Variants in SYT1 observed in about 807,000 individuals in gnomAD.
The protein encoded by SYT1 is synaptotagmin 1, also known as synaptotagmin-1.
SYT1 carries 8 observed loss-of-function variants against 44.8 expected under a neutral mutation model. That is an observed-to-expected ratio of 0.18 (90% CI 0.10 to 0.32). The LOEUF (loss-of-function observed/expected upper bound fraction) is 0.32. Ranked by LOEUF, SYT1 falls within the 10% of genes least tolerant of loss-of-function variation. The pLI, the probability that SYT1 is intolerant of heterozygous loss-of-function variation, is 1.00. For synonymous variants in SYT1, 154 were observed against 188.8 expected, an observed-to-expected ratio of 0.82 and a Z score of 1.51; for missense variants, 286 against 509.3, an observed-to-expected ratio of 0.56 and a Z score of 4.22.
At chr12:79,157,886 A>C (rs1039773455) in intron 3 of SYT1, among the ~76,000 whole-genome samples, 2 of 152,148 alleles carry the variant, frequency 1.3e-5, no homozygotes, top group African/African-American at 4.8e-5. Flanking sequence ...AGGTTAAGTG[A>C]CTTACTAATT....
At chr12:79,353,973 C>T (rs909275313) in intron 9 of SYT1, among the ~76,000 whole-genome samples, 9 of 152,038 alleles carry the variant, frequency 5.9e-5, no homozygotes, top group African/African-American at 1.9e-4. Flanking sequence ...AATTCACCCA[C>T]GATATAAAAA....
intron 8 of SYT1, among the ~76,000 whole-genome samples, chr12:79,308,787 C>G (rs1880611677): frequency 6.6e-6 from 1 of 152,188 alleles, no homozygotes; most frequent in South Asian, 2.1e-4. Context: ...TACTGCACAC[C>G]TGAAACACCA....
chr12:79,137,815 C>A (rs1239084302), intron 3 of SYT1, among the ~76,000 whole-genome samples: 1 of 152,042 alleles, frequency 6.6e-6, no homozygotes. Flanking sequence ...GCCTTGTTGA[C>A]CTTTCCTAGC....
At chr12:79,337,518 C>A (rs553628396) in intron 8 of SYT1, among the ~76,000 whole-genome samples, 1 of 152,296 alleles carries the variant, frequency 6.6e-6, no homozygotes, top group South Asian at 2.1e-4. Flanking sequence ...GCAGAAGTAG[C>A]TACAGAGTGA....
intron 3 of SYT1, among the ~76,000 whole-genome samples, chr12:79,128,964 A>G (rs769271077): frequency 4.6e-5 from 7 of 152,152 alleles, no homozygotes; most frequent in Non-Finnish European, 8.8e-5. Context: ...CAAAAAGTGT[A>G]GATATAAGAC....
rs561556339 is a variant in SYT1, at chr12:79,309,244, C to T, written c.810+9693C>T. 1.8e-3 allele frequency among the ~76,000 whole-genome samples: 269 copies of T among 152,236 alleles called. 1 individual carries two copies. The highest frequency in any genetic ancestry group is 3.3e-3 in the Non-Finnish European group (222 of 68,020). On this transcript the variant is annotated intron_variant, in intron 8 of 10. Transcript: ENST00000261205. ...CATTTTTGTAGGTTCTTTGGCCAGG[C>T]GCCAAACAGTACGAAAGAGTCCAAT...
intron 2 of SYT1, among the ~76,000 whole-genome samples, chr12:79,025,067 A>G (rs1217288535): frequency 6.6e-6 from 1 of 151,858 alleles, no homozygotes; most frequent in African/African-American, 2.4e-5. Flanking sequence ...AGATGTATAC[A>G]TTAATGAACT....
At chr12:79,253,292 T>C (rs1485221428) in intron 4 of SYT1, among the ~76,000 whole-genome samples, 1 of 152,168 alleles carries the variant, frequency 6.6e-6, no homozygotes, top group African/African-American at 2.4e-5. Context: ...TCTATCTCTC[T>C]CATGTCACAT....
intron 3 of SYT1, among the ~76,000 whole-genome samples, chr12:79,072,266 C>G (rs1248668370): frequency 6.6e-6 from 1 of 152,112 alleles, no homozygotes; most frequent in East Asian, 1.9e-4. Context: ...TGTAACCTCT[C>G]TCTTTCGTAG....
intron 1 of SYT1, among the ~76,000 whole-genome samples, chr12:78,906,053 A>G (rs1028858823): frequency 2.6e-5 from 4 of 152,198 alleles, no homozygotes; most frequent in Middle Eastern, 3.4e-3. Context: ...TATTTTTAGC[A>G]TACTCCAATC....
intron 3 of SYT1, among the ~76,000 whole-genome samples, chr12:79,174,541 T>C (rs1000755038): frequency 6.6e-6 from 1 of 152,018 alleles, no homozygotes; most frequent in Non-Finnish European, 1.5e-5. Flanking sequence ...TAACATATGA[T>C]TTATGAGACA....
chr12:79,196,056 G>A (rs899094042), intron 3 of SYT1, among the ~76,000 whole-genome samples: 5 of 152,058 alleles, frequency 3.3e-5, no homozygotes, highest in African/African-American at 7.2e-5. Flanking sequence ...ATATAGTTGC[G>A]AACAGACATC....
In SYT1 at chr12:79,450,441, C is replaced by T. The variant is rs916696107; in HGVS notation, c.*1317C>T. The T allele has an allele frequency of 1.4e-4, 22 of 152,460 alleles. No individual in the cohort carries two copies. Among genetic ancestry groups the T allele is most frequent in the African/African-American group, 4.8e-4 (20 of 41,404 alleles). The allele number at this position is 152,460 out of a possible 1,614,324, so 9.4% of individuals were successfully genotyped here. On this transcript the variant is annotated 3_prime_UTR_variant, in exon 11 of 11. Coordinates refer to ENST00000261205, the MANE Select transcript of SYT1 (RefSeq NM_005639.3). ...CAAACCAAGAACAAGTTCTAGAAAA[C>T]TGAAGCAACCTCTTATGTATACTAG...
intron 9 of SYT1, among the ~76,000 whole-genome samples, chr12:79,373,715 A>T (rs1292397147): frequency 3.9e-5 from 6 of 152,154 alleles, no homozygotes; most frequent in Admixed American, 6.5e-5. Context: ...TATTTTTTTT[A>T]AATCAAAACT....
chr12:79,111,148 A>G (rs750285153), intron 3 of SYT1, among the ~76,000 whole-genome samples: 4 of 151,960 alleles, frequency 2.6e-5, no homozygotes, highest in Non-Finnish European at 4.4e-5. Context: ...TGAAAGGAGA[A>G]TTCGTATATG....
intron 1 of SYT1, among the ~76,000 whole-genome samples, chr12:78,873,642 T>C (rs1360793541): frequency 6.6e-6 from 1 of 151,666 alleles, no homozygotes; most frequent in Non-Finnish European, 1.5e-5. Flanking sequence ...TGTAGCTTTA[T>C]CACTAACTCT....
At chr12:79,086,156 T>G (rs190332827) in intron 3 of SYT1, among the ~76,000 whole-genome samples, 1 of 152,268 alleles carries the variant, frequency 6.6e-6, no homozygotes, top group Non-Finnish European at 1.5e-5. Context: ...AATAAAGTGA[T>G]CTGTGATCAA....
intron 3 of SYT1, among the ~76,000 whole-genome samples, chr12:79,052,675 C>T (rs866628408): frequency 2.6e-4 from 39 of 149,280 alleles, no homozygotes; most frequent in Non-Finnish European, 3.5e-4. Context: ...AAACAAACAA[C>T]CCCATCAAAA....
rs772407859 is a variant in SYT1, at chr12:79,292,146, A to G, written c.474+16A>G. ...AAATAACCAGGTCTGAAGTGGAGAA[A>G]TGTCTTCTAATTCCATTACATTTTC... On this transcript the variant is annotated intron_variant, in intron 6 of 10. Transcript: ENST00000261205. The G allele has an allele frequency of 2.3e-5, 37 of 1,607,262 alleles. No homozygotes were observed. In the Admixed American group the frequency reaches 5.8e-4, roughly 25 times the overall value.
Sources: allele counts gnomAD v4.1 joint callset (sites outside exome capture counted in the v4.1 genomes callset), GRCh38; gene constraint gnomAD v4.1.1; transcripts MANE v1.5; gene names NCBI Gene and HGNC (gene_info 2026-07-23, HGNC 2026-07-21).